Variants in PARD3 observed in about 807,000 individuals in gnomAD.
PARD3 encodes the protein par-3 family cell polarity regulator.
A neutral mutation model predicts 155.4 loss-of-function variants in PARD3; 75 were observed. That is an observed-to-expected ratio of 0.48 (90% CI 0.40 to 0.58). The LOEUF (loss-of-function observed/expected upper bound fraction) is 0.58. PARD3 is among the 20% of genes least tolerant of loss of function. PARD3 has a pLI of 0.00. For missense variants in PARD3, 1,642 were observed against 1,721.7 expected (o/e 0.95, Z 0.82); for synonymous variants, 576 against 610.5 (o/e 0.94, Z 0.83).
chr10:34,674,588 G>C (rs1474915420), intron 2 of PARD3, among the ~76,000 whole-genome samples: 4 of 148,498 alleles, frequency 2.7e-5, no homozygotes, highest in Non-Finnish European at 4.4e-5. Context: ...CCGGGTTCAA[G>C]CGATTCTCCT....
chr10:34,803,055 G>A (rs1241578837), intron 1 of PARD3, among the ~76,000 whole-genome samples: 5 of 136,408 alleles, frequency 3.7e-5, no homozygotes, highest in South Asian at 2.3e-4. Flanking sequence ...ATGAAACCCC[G>A]TCTCTACTAA....
intron 23 of PARD3, among the ~76,000 whole-genome samples, chr10:34,125,001 A>G (rs1947199846): frequency 6.6e-6 from 1 of 151,980 alleles, no homozygotes; most frequent in South Asian, 2.1e-4. Flanking sequence ...ACTTTGCGAC[A>G]GTACAGAGGC....
At position 34,552,815 on chromosome 10, in the gene PARD3, G is replaced by A. The variant is rs1306038538; in HGVS notation, c.223-35656C>T. 3.3e-5 allele frequency among the ~76,000 whole-genome samples: 5 copies of A among 151,694 alleles called. No individual in the cohort carries two copies. In the South Asian group the frequency reaches 6.3e-4, roughly 19 times the overall value. On this transcript the variant is annotated intron_variant, in intron 2 of 24. Transcript: ENST00000374788. ...AAGTTTGAAGAGACCTTTAATAAACGGACTGAAAAAAACACTTAAAATATC... is the reference window on the plus strand; with the variant it reads ...AAGTTTGAAGAGACCTTTAATAAACAGACTGAAAAAAACACTTAAAATATC...
At chr10:34,712,805 G>C (rs140071060) in intron 1 of PARD3, among the ~76,000 whole-genome samples, 1 of 151,926 alleles carries the variant, frequency 6.6e-6, no homozygotes, top group South Asian at 2.1e-4. Context: ...TGGTTGAAAA[G>C]GTATTGGGTA....
intron 22 of PARD3, among the ~76,000 whole-genome samples, chr10:34,154,581 G>T (rs1423759873): frequency 6.6e-6 from 1 of 152,192 alleles, no homozygotes; most frequent in Non-Finnish European, 1.5e-5. Flanking sequence ...AATTCCAATT[G>T]CTGAATATCT....
chr10:34,233,017 A>ATTTT lies in PARD3; in HGVS notation c.3419+36636_3419+36639dup, dbSNP rs3039283. Among the ~76,000 whole-genome samples, 19 of 96,170 alleles carry ATTTT rather than the reference A, an allele frequency of 2.0e-4. 1 individual carries two copies. Among genetic ancestry groups the ATTTT allele is most frequent in the South Asian group, 7.0e-4 (2 of 2,842 alleles). 63.1% of individuals were successfully genotyped at this position (96,170 alleles called of 152,430 possible). On this transcript the variant is annotated intron_variant, in intron 22 of 24. Coordinates refer to ENST00000374788, the MANE Select transcript of PARD3 (RefSeq NM_001184785.2). Reference sequence around the variant, plus strand: ...GTGCCCGGCCCATCCTCAAATGTTAATTTTTTTTTTTTTTTTTTTTTTGCC... The same window carrying ATTTT: ...GTGCCCGGCCCATCCTCAAATGTTAATTTTTTTTTTTTTTTTTTTTTTTTTTGCC...
chr10:34,131,377 C>T (rs1189978027), intron 23 of PARD3, 86 bp downstream of exon 23: 2 of 1,468,570 alleles, frequency 1.4e-6, no homozygotes. Context: ...TGTCTCGTTT[C>T]ATAGAGCATT....
At chr10:34,373,034 C>T (rs759930619) in intron 11 of PARD3, among the ~76,000 whole-genome samples, 2 of 151,652 alleles carry the variant, frequency 1.3e-5, no homozygotes, top group Non-Finnish European at 2.9e-5. Flanking sequence ...TACCTAGGAA[C>T]TTACAAGGAT....
chr10:34,722,421 A>G (rs533697159), intron 1 of PARD3, among the ~76,000 whole-genome samples: 2 of 152,318 alleles, frequency 1.3e-5, no homozygotes, highest in South Asian at 4.1e-4. Flanking sequence ...AACTGGCTCA[A>G]TGCTTCTGCA....
chr10:34,695,339 G>T lies in PARD3; in HGVS notation c.222+979C>A, dbSNP rs559779860. On this transcript the variant is annotated intron_variant, in intron 2 of 24. Transcript: ENST00000374788. ...AAAATACAAAAATTAGCCAGGCGTGGTGGTGCACGCCTATAATCCCAGCTA... is the reference window on the plus strand; with the variant it reads ...AAAATACAAAAATTAGCCAGGCGTGTTGGTGCACGCCTATAATCCCAGCTA... 7.0e-4 allele frequency among the ~76,000 whole-genome samples: 107 copies of T among 152,200 alleles called. No homozygotes were observed. In the Middle Eastern group the frequency reaches 0.014, roughly 19 times the overall value.
intron 22 of PARD3, among the ~76,000 whole-genome samples, chr10:34,188,189 C>G (rs1268703969): frequency 1.3e-5 from 2 of 152,188 alleles, no homozygotes; most frequent in Non-Finnish European, 2.9e-5. Context: ...AGATCAATCA[C>G]AATGGAATCG....
At chr10:34,596,771 G>C (rs1220291199) in intron 2 of PARD3, among the ~76,000 whole-genome samples, 1 of 152,170 alleles carries the variant, frequency 6.6e-6, no homozygotes, top group Non-Finnish European at 1.5e-5. Flanking sequence ...GACAGGGAAG[G>C]GCAGGGCTAG....
chr10:34,768,373 G>A (rs1186855459), intron 1 of PARD3, among the ~76,000 whole-genome samples: 1 of 131,776 alleles, frequency 7.6e-6, no homozygotes, highest in Non-Finnish European at 1.7e-5. Context: ...GCAAAGGCGG[G>A]ACAACTCGAA....
intron 2 of PARD3, among the ~76,000 whole-genome samples, chr10:34,650,400 C>T (rs1345350796): frequency 1.3e-5 from 2 of 152,210 alleles, no homozygotes; most frequent in Non-Finnish European, 2.9e-5. Context: ...GACTGAAATG[C>T]TTTTATGCTG....
intron 22 of PARD3, among the ~76,000 whole-genome samples, chr10:34,251,170 A>G (rs1228336916): frequency 2.6e-5 from 4 of 152,236 alleles, no homozygotes; most frequent in African/African-American, 9.6e-5. Flanking sequence ...AGAGGTACAG[A>G]CATCAGTTGT....
intron 2 of PARD3, among the ~76,000 whole-genome samples, chr10:34,666,774 CCCTAA>C (rs1341968972): frequency 9.0e-3 from 33 of 3,658 alleles, no homozygotes; most frequent in Admixed American, 0.011. Flanking sequence ...CTACCCCTCC[CCCTAA>C]AAAAAAAAAA....
At chr10:34,564,167 G>A (rs2085735591) in intron 2 of PARD3, among the ~76,000 whole-genome samples, 1 of 152,134 alleles carries the variant, frequency 6.6e-6, no homozygotes, top group African/African-American at 2.4e-5. Context: ...TTTTTTATGA[G>A]AAGTAAAAAT....
At chr10:34,641,230 C>T (rs1456241999) in intron 2 of PARD3, among the ~76,000 whole-genome samples, 1 of 152,158 alleles carries the variant, frequency 6.6e-6, no homozygotes, top group Non-Finnish European at 1.5e-5. Flanking sequence ...TGAACTCTTA[C>T]TTGAATTAAA....
At chr10:34,486,070 C>T (rs577948758) in intron 3 of PARD3, among the ~76,000 whole-genome samples, 5 of 151,946 alleles carry the variant, frequency 3.3e-5, no homozygotes, top group South Asian at 2.1e-4. Context: ...ACTACAGGTG[C>T]GTGCCACGAT....
Sources: allele counts gnomAD v4.1 joint callset (sites outside exome capture counted in the v4.1 genomes callset), GRCh38; gene constraint gnomAD v4.1.1; transcripts MANE v1.5; gene names NCBI Gene and HGNC (gene_info 2026-07-23, HGNC 2026-07-21).